The following KCNQ5 variants were observed in gnomAD, a reference collection of about 807,000 sequenced individuals.
The protein encoded by KCNQ5 is potassium voltage-gated channel subfamily KQT member 5.
KCNQ5 carries 30 observed loss-of-function variants against 98.2 expected under a neutral mutation model. That is an observed-to-expected ratio of 0.31 (90% CI 0.23 to 0.41). The LOEUF is 0.41. KCNQ5 is among the 10% of genes least tolerant of loss of function. The pLI is 1.00. For missense variants in KCNQ5, 835 were observed against 1,182.5 expected (o/e 0.71, Z 4.31); for synonymous variants, 458 against 449.4 (o/e 1.02, Z -0.24).
intron 2 of KCNQ5, among the ~76,000 whole-genome samples, chr6:73,024,110 C>G (rs1770746681): frequency 6.6e-6 from 1 of 152,146 alleles, no homozygotes; most frequent in Non-Finnish European, 1.5e-5. Context: ...AAGGGAATGT[C>G]TTGCTCTTGA....
chr6:72,930,638 A>C (rs1765652061), intron 1 of KCNQ5, among the ~76,000 whole-genome samples: 1 of 151,420 alleles, frequency 6.6e-6, no homozygotes, highest in South Asian at 2.1e-4. Context: ...AAATAGATCT[A>C]ATTTATGTTA....
At chr6:72,879,071 T>C (rs1778532773) in intron 1 of KCNQ5, among the ~76,000 whole-genome samples, 1 of 152,216 alleles carries the variant, frequency 6.6e-6, no homozygotes, top group Non-Finnish European at 1.5e-5. Context: ...GACAATGCTG[T>C]AAACAAATAT....
intron 8 of KCNQ5, among the ~76,000 whole-genome samples, chr6:73,122,835 A>G (rs1446316153): frequency 6.6e-6 from 1 of 152,222 alleles, no homozygotes; most frequent in Non-Finnish European, 1.5e-5. Context: ...AGCCAAGTTC[A>G]AACTTTTGTT....
rs1775232969 is a variant in KCNQ5 at position 73,111,322 on chromosome 6, A to G, written c.1044A>G (p.Ser348=). ...TTTTGTTCCAGGGCATTCTTGGCTC[A>G]GGTTTTGCATTAAAAGTACAAGAAC... The part of the protein sequence containing the change: ...FFALPAGILG[S]GFALKVQEQH... The change falls in exon 7 of 14, where the codon TCA becomes TCG. Residue 348 remains serine, a synonymous_variant. Coordinates refer to ENST00000370398, the MANE Select transcript of KCNQ5 (RefSeq NM_019842.4). 1 of 1,610,180 alleles carries G rather than the reference A, an allele frequency of 6.2e-7. No individual in the cohort carries two copies. Among genetic ancestry groups the G allele is most frequent in the African/African-American group, 1.3e-5 (1 of 74,564 alleles).
At chr6:72,901,389 T>C (rs1279574462) in intron 1 of KCNQ5, among the ~76,000 whole-genome samples, 1 of 152,152 alleles carries the variant, frequency 6.6e-6, no homozygotes, top group Non-Finnish European at 1.5e-5. Flanking sequence ...TTATTGCATT[T>C]GCTTTTGGCT....
At chr6:72,900,528 C>CTCCAT (rs1562055842) in intron 1 of KCNQ5, among the ~76,000 whole-genome samples, 1 of 145,680 alleles carries the variant, frequency 6.9e-6, no homozygotes, top group African/African-American at 2.5e-5. Flanking sequence ...TATATATATA[C>CTCCAT]CACAGTTTCT....
At chr6:72,666,909 A>G (rs1766846712) in intron 1 of KCNQ5, among the ~76,000 whole-genome samples, 1 of 152,310 alleles carries the variant, frequency 6.6e-6, no homozygotes, top group East Asian at 1.9e-4. Context: ...CATCTTTTAC[A>G]ATTACATGTT....
chr6:73,169,789 A>G lies in KCNQ5; in HGVS notation c.1512A>G (p.Gly504=), dbSNP rs1462945214. ...LGTDDVYDEK[G]CQCDVSVEDL... is the part of the protein sequence containing the mutation. ...CTGATGATGTATATGATGAAAAAGGATGCCAGTGTGATGTATCAGTGGAAG... is the reference window on the plus strand; with the variant it reads ...CTGATGATGTATATGATGAAAAAGGGTGCCAGTGTGATGTATCAGTGGAAG... Residue 504 remains glycine, a synonymous_variant, in exon 11 of 14, where the codon GGA becomes GGG. Transcript: ENST00000370398. 1 of 1,613,932 alleles carries G rather than the reference A, an allele frequency of 6.2e-7. No individual in the cohort carries two copies. Among genetic ancestry groups the G allele is most frequent in the East Asian group, 2.2e-5 (1 of 44,894 alleles).
intron 1 of KCNQ5, among the ~76,000 whole-genome samples, chr6:72,758,987 T>A (rs1357832945): frequency 6.6e-6 from 1 of 151,932 alleles, no homozygotes; most frequent in Non-Finnish European, 1.5e-5. Flanking sequence ...TATGAGAGAG[T>A]CCACTGAAAC....
At chr6:72,982,442 T>C in intron 1 of KCNQ5, among the ~76,000 whole-genome samples, 1 of 151,850 alleles carries the variant, frequency 6.6e-6, no homozygotes, top group African/African-American at 2.4e-5. Flanking sequence ...TTGATCTTTG[T>C]TGGTTTAAAG....
intron 2 of KCNQ5, among the ~76,000 whole-genome samples, chr6:73,029,491 C>A (rs150187760): frequency 0.024 from 2,633 of 111,288 alleles, 28 homozygotes; most frequent in Non-Finnish European, 0.041. Flanking sequence ...TTTTTATCCT[C>A]AACTCAGTTT....
chr6:72,719,892 G>T (rs539249551), intron 1 of KCNQ5, among the ~76,000 whole-genome samples: 3 of 152,296 alleles, frequency 2.0e-5, no homozygotes, highest in East Asian at 1.9e-4. Context: ...CCACAGAGCT[G>T]GAGTTTATCA....
At chr6:72,783,728 A>T (rs547459297) in intron 1 of KCNQ5, among the ~76,000 whole-genome samples, 1 of 152,260 alleles carries the variant, frequency 6.6e-6, no homozygotes, top group African/African-American at 2.4e-5. Context: ...ACCTGGTTAC[A>T]TTAAAAAGTT....
chr6:72,678,901 C>A (rs1002223222), intron 1 of KCNQ5, among the ~76,000 whole-genome samples: 2 of 152,116 alleles, frequency 1.3e-5, no homozygotes, highest in African/African-American at 4.8e-5. Context: ...TGAAGCACTT[C>A]TTTTATCTTA....
At chr6:72,950,892 A>G (rs1766772529) in intron 1 of KCNQ5, among the ~76,000 whole-genome samples, 1 of 152,230 alleles carries the variant, frequency 6.6e-6, no homozygotes, top group African/African-American at 2.4e-5. Flanking sequence ...TGAGCTCTAC[A>G]AAAGGTCATG....
chr6:72,954,637 GA>G (rs1184078867), intron 1 of KCNQ5, among the ~76,000 whole-genome samples: 11 of 151,956 alleles, frequency 7.2e-5, no homozygotes, highest in African/African-American at 2.7e-4. Context: ...ACTGGTTATT[GA>G]AAAACTGTCG....
intron 1 of KCNQ5, among the ~76,000 whole-genome samples, chr6:72,874,968 A>C (rs564049153): frequency 2.6e-5 from 4 of 152,180 alleles, no homozygotes; most frequent in Non-Finnish European, 2.9e-5. Context: ...ACCGTTAATG[A>C]AAATACTTTG....
intron 10 of KCNQ5, among the ~76,000 whole-genome samples, chr6:73,161,249 C>T (rs767981502): frequency 9.2e-5 from 14 of 151,868 alleles, no homozygotes; most frequent in African/African-American, 2.7e-4. Flanking sequence ...TATGTGGGAC[C>T]GAAAAAAGTG....
chr6:72,995,408 T>C (rs1769248525), intron 1 of KCNQ5, among the ~76,000 whole-genome samples: 1 of 151,174 alleles, frequency 6.6e-6, no homozygotes, highest in Admixed American at 6.6e-5. Context: ...CTATCATTCC[T>C]AGAAAATAAC....
Sources: allele counts gnomAD v4.1 joint callset (sites outside exome capture counted in the v4.1 genomes callset), GRCh38; gene constraint gnomAD v4.1.1; transcripts MANE v1.5; gene names NCBI Gene and HGNC (gene_info 2026-07-23, HGNC 2026-07-21).